Variants in MON2 observed in about 807,000 individuals in gnomAD.
The protein encoded by MON2 is MON2 regulator of endosome-to-Golgi trafficking, also known as protein MON2 homolog.
In MON2, 84 loss-of-function variants were observed where a neutral mutation model predicts 208.6. That is an observed-to-expected ratio of 0.40 (90% CI 0.34 to 0.48). The LOEUF (loss-of-function observed/expected upper bound fraction) is 0.48. Ranked by LOEUF, MON2 falls within the 20% of genes least tolerant of loss-of-function variation. The pLI is 0.59. For missense variants in MON2, 1,611 were observed against 2,015.4 expected (o/e 0.80, Z 3.84); for synonymous variants, 660 against 694.0 (o/e 0.95, Z 0.77).
intron 32 of MON2, among the ~76,000 whole-genome samples, chr12:62,583,134 C>T (rs540709511): frequency 6.6e-6 from 1 of 152,226 alleles, no homozygotes; most frequent in African/African-American, 2.4e-5. Flanking sequence ...GAGTTTGAGA[C>T]AAGCCTGGGC....
chr12:62,576,247 G>A (rs1468106060), intron 30 of MON2, among the ~76,000 whole-genome samples: 1 of 151,948 alleles, frequency 6.6e-6, no homozygotes, highest in Non-Finnish European at 1.5e-5. Flanking sequence ...TCTTGTTTAT[G>A]GGATATATCC....
intron 33 of MON2, chr12:62,587,838 CTT>C (rs893548875): frequency 3.1e-6 from 1 of 323,444 alleles, no homozygotes; most frequent in Non-Finnish European, 5.6e-6. Flanking sequence ...TGCCCCACCT[CTT>C]TATTAATTGA....
Position 62,534,878 on chromosome 12 carries a change from C to T in MON2, c.1667C>T (p.Ala556Val). ...SRAVWEEMVN[A>V]CWCGLLAALS... Reference sequence around the variant, plus strand: ...GCTGTTTGGGAAGAAATGGTGAATGCCTGCTGGTGTGGTCTTCTTGCTGCA... The same window carrying T: ...GCTGTTTGGGAAGAAATGGTGAATGTCTGCTGGTGTGGTCTTCTTGCTGCA... The change falls in exon 13 of 35, where the codon GCC (alanine) becomes GTC (valine). Residue 556 changes from alanine to valine, a missense_variant. Transcript: ENST00000393630. 6.2e-7 allele frequency: 1 copy of T among 1,611,684 alleles called. No individual in the cohort carries two copies. Among genetic ancestry groups the T allele is most frequent in the Non-Finnish European group, 8.5e-7 (1 of 1,178,690 alleles).
chr12:62,526,737 A>G (rs1051102536), intron 11 of MON2, among the ~76,000 whole-genome samples: 1 of 152,194 alleles, frequency 6.6e-6, no homozygotes, highest in African/African-American at 2.4e-5. Flanking sequence ...TACAGTACTT[A>G]CAGAAATAAG....
At chr12:62,544,612 G>T (rs2073402046) in intron 20 of MON2, among the ~76,000 whole-genome samples, 1 of 152,208 alleles carries the variant, frequency 6.6e-6, no homozygotes, top group Non-Finnish European at 1.5e-5. Flanking sequence ...TGATTAATGA[G>T]GGTAAACTTA....
At chr12:62,557,122 G>GA (rs750154108) in intron 25 of MON2, among the ~76,000 whole-genome samples, 1 of 151,724 alleles carries the variant, frequency 6.6e-6, no homozygotes, top group Non-Finnish European at 1.5e-5. Context: ...TAAGAGCAAT[G>GA]AAAAAAACTA....
At position 62,571,585 on chromosome 12, in the gene MON2, C is replaced by G; in HGVS notation, c.4514+3C>G. The G allele has an allele frequency of 6.3e-7, 1 of 1,592,428 alleles. No individual in the cohort carries two copies. Among genetic ancestry groups the G allele is most frequent in the Non-Finnish European group, 8.5e-7 (1 of 1,169,894 alleles). ...GAAGATTTTCTCTTTACTAAAAGGT[C>G]AGCTCATTCATTTTTAAAATTAAGA... On this transcript the variant is annotated splice_donor_region_variant and intron_variant, in intron 30 of 34. Coordinates refer to ENST00000393630, the MANE Select transcript of MON2 (RefSeq NM_015026.3).
At chr12:62,493,858 G>A (rs1012275411) in intron 2 of MON2, 57 bp from the exon 3 acceptor site, 1 of 1,240,420 alleles carries the variant, frequency 8.1e-7, no homozygotes, top group Non-Finnish European at 1.1e-6. Flanking sequence ...ATATAAAAAT[G>A]CATTCTTAAT....
At chr12:62,492,506 G>C (rs1459944771) in intron 2 of MON2, among the ~76,000 whole-genome samples, 1 of 149,222 alleles carries the variant, frequency 6.7e-6, no homozygotes, top group Non-Finnish European at 1.5e-5. Flanking sequence ...CGAGTAGCTG[G>C]GACTACAGGC....
Position 62,578,446 on chromosome 12 carries a change from A to G in MON2, c.4516A>G (p.Ile1506Val), listed in dbSNP as rs1390707198. 2.1e-6 allele frequency: 3 copies of G among 1,401,128 alleles called. No individual in the cohort carries two copies. The highest frequency in any genetic ancestry group is 1.5e-5 in the African/African-American group (1 of 66,504). The allele number at this position is 1,401,128 out of a possible 1,614,324, so 86.8% of individuals were successfully genotyped here. The change falls in exon 31 of 35, where the codon ATA (isoleucine) becomes GTA (valine). Residue 1506 changes from isoleucine to valine, a missense_variant and splice_region_variant. Transcript: ENST00000393630. ...AAATCAAGTGTTTTTTTTTTTTAGC[A>G]TACCTCCAGATAATCTCTCTATTCA... ...TFEDFLFTKS[I>V]PPDNLSIQEF...
At chr12:62,576,739 T>C (rs778245728) in intron 30 of MON2, among the ~76,000 whole-genome samples, 50 of 151,878 alleles carry the variant, frequency 3.3e-4, no homozygotes, top group Non-Finnish European at 5.5e-4. Flanking sequence ...GTTTTTGATA[T>C]GTTTGCTAGT....
intron 12 of MON2, among the ~76,000 whole-genome samples, chr12:62,534,473 C>A (rs1170439709): frequency 1.5e-5 from 2 of 131,522 alleles, no homozygotes; most frequent in African/African-American, 5.8e-5. Flanking sequence ...GAGCCAAGAT[C>A]ATGCCACTGC....
intron 1 of MON2, 104 bp from the exon 2 acceptor site, chr12:62,484,066 A>C: frequency 1.3e-6 from 1 of 797,904 alleles, no homozygotes; most frequent in Non-Finnish European, 2.1e-6. Context: ...TAGGGTAGTG[A>C]CTGACTTTGT....
chr12:62,526,499 G>A (rs1592304272), intron 11 of MON2, among the ~76,000 whole-genome samples: 1 of 151,962 alleles, frequency 6.6e-6, no homozygotes, highest in African/African-American at 2.4e-5. Flanking sequence ...AATGGGAGTA[G>A]TGATATATCT....
chr12:62,523,548 A>T (rs2072177751), intron 8 of MON2, among the ~76,000 whole-genome samples: 1 of 152,096 alleles, frequency 6.6e-6, no homozygotes, highest in Admixed American at 6.5e-5. Context: ...TGTCATTATG[A>T]TTATGTCCTT....
chr12:62,566,345 T>C lies in MON2; in HGVS notation c.4218T>C (p.Tyr1406=), dbSNP rs372875511. The part of the protein sequence containing the change: ...FAPAEWVALN[Y]VPFAERSLEV... ...AGGCGGAATGGGTAGCCTTGAATTA[T>C]GTGCCGTTTGCTGAAAGGTCTTTAG... Residue 1406 remains tyrosine, a synonymous_variant, in exon 29 of 35, where the codon TAT becomes TAC. Coordinates refer to ENST00000393630, the MANE Select transcript of MON2 (RefSeq NM_015026.3). The C allele has an allele frequency of 5.0e-6, 8 of 1,613,320 alleles. No individual in the cohort carries two copies. The highest frequency in any genetic ancestry group is 2.2e-5 in the East Asian group (1 of 44,816).
At chr12:62,549,633 A>G (rs1422984883) in intron 22 of MON2, 35 bp from the exon 23 acceptor site, 4 of 1,527,556 alleles carry the variant, frequency 2.6e-6, no homozygotes, top group African/African-American at 1.4e-5. Flanking sequence ...AATAAATAAA[A>G]TAAGTGCATC....
chr12:62,537,361 C>T, intron 15 of MON2, 98 bp downstream of exon 15: 1 of 833,914 alleles, frequency 1.2e-6, no homozygotes, highest in Admixed American at 2.9e-5. Context: ...CATTTATTTA[C>T]TTTCTTTTAC....
chr12:62,559,232 A>G (rs1378133571), intron 25 of MON2, among the ~76,000 whole-genome samples: 20 of 152,192 alleles, frequency 1.3e-4, no homozygotes, highest in Admixed American at 1.3e-3. Context: ...TTTATTTTAC[A>G]TGTTTCATAG....
Sources: allele counts gnomAD v4.1 joint callset (sites outside exome capture counted in the v4.1 genomes callset), GRCh38; gene constraint gnomAD v4.1.1; transcripts MANE v1.5; gene names NCBI Gene and HGNC (gene_info 2026-07-23, HGNC 2026-07-21).